RCAN2: variants seen among roughly 807,000 people sequenced by gnomAD.
RCAN2 encodes regulator of calcineurin 2.
Under a neutral mutation model 23.6 loss-of-function variants are expected in RCAN2, and 9 were observed. The ratio of observed to expected loss-of-function variants is 0.38; its 90% CI spans 0.23 to 0.67. RCAN2 has a LOEUF of 0.67. Ranked by LOEUF, RCAN2 falls within the 30% of genes least tolerant of loss-of-function variation. The probability of loss-of-function intolerance (pLI) is 0.51; values close to 1 mark genes in which losing one functional copy is unlikely to be tolerated. For synonymous variants in RCAN2, 109 were observed against 115.7 expected, an observed-to-expected ratio of 0.94 and a Z score of 0.37; for missense variants, 273 against 302.3, an observed-to-expected ratio of 0.90 and a Z score of 0.72.
chr6:46,439,265 A>T (rs1316872355), intron 2 of RCAN2, among the ~76,000 whole-genome samples: 3 of 152,218 alleles, frequency 2.0e-5, no homozygotes, highest in African/African-American at 7.2e-5. Context: ...TAAATTTTAC[A>T]TGTACAGCTG....
At chr6:46,377,965 C>A (rs185828672) in intron 2 of RCAN2, among the ~76,000 whole-genome samples, 17 of 152,280 alleles carry the variant, frequency 1.1e-4, no homozygotes, top group Admixed American at 7.2e-4. Flanking sequence ...ATTAAAAGGT[C>A]ACTACAAATA....
intron 2 of RCAN2, among the ~76,000 whole-genome samples, chr6:46,382,086 A>C (rs1346277687): frequency 6.6e-6 from 1 of 152,150 alleles, no homozygotes; most frequent in African/African-American, 2.4e-5. Flanking sequence ...CAGTAGAGTG[A>C]GATGGCTAAG....
chr6:46,395,355 G>T (rs1201267106), intron 2 of RCAN2, among the ~76,000 whole-genome samples: 1 of 152,196 alleles, frequency 6.6e-6, no homozygotes, highest in Non-Finnish European at 1.5e-5. Context: ...GCAATAAGGA[G>T]CCACAAAGGG....
chr6:46,489,821 T>A (rs1337078779), intron 1 of RCAN2, among the ~76,000 whole-genome samples: 3 of 152,242 alleles, frequency 2.0e-5, no homozygotes, highest in African/African-American at 4.8e-5. Context: ...GCAGTGGATT[T>A]GAATGCAAAG....
At chr6:46,261,243 A>G (rs768067334) in intron 2 of RCAN2, among the ~76,000 whole-genome samples, 5 of 152,230 alleles carry the variant, frequency 3.3e-5, no homozygotes, top group Non-Finnish European at 4.4e-5. Context: ...ATATTCATTT[A>G]TCTATAAGAT....
Position 46,233,124 on chromosome 6 carries a change from C to T in RCAN2, c.572-9823G>A, listed in dbSNP as rs116447352. On this transcript the variant is annotated intron_variant, in intron 4 of 4. Coordinates refer to ENST00000371374, the MANE Select transcript of RCAN2 (RefSeq NM_001251974.2). ...AAGGAATCCTGGATGGCTTCTCTGGCGCTCCCAGCCACCAGCTCCCGTTCA... is the reference window on the plus strand; with the variant it reads ...AAGGAATCCTGGATGGCTTCTCTGGTGCTCCCAGCCACCAGCTCCCGTTCA... Among the ~76,000 whole-genome samples the T allele has an allele frequency of 8.0e-3, 1,208 of 151,388 alleles. 11 individuals are homozygous for T. The highest frequency in any genetic ancestry group is 0.028 in the African/African-American group (1,138 of 40,686).
intron 2 of RCAN2, among the ~76,000 whole-genome samples, chr6:46,302,480 G>C (rs1026543294): frequency 6.6e-6 from 1 of 152,064 alleles, no homozygotes; most frequent in Non-Finnish European, 1.5e-5. Flanking sequence ...TTGTTGTTTA[G>C]ATTTGCTGTG....
intron 2 of RCAN2, among the ~76,000 whole-genome samples, chr6:46,286,127 A>G (rs894868622): frequency 7.2e-5 from 11 of 152,196 alleles, no homozygotes; most frequent in African/African-American, 2.4e-4. Context: ...CTCCATGCAT[A>G]GTGAACTGTA....
At chr6:46,357,376 G>GATCATTC (rs1161748956) in intron 2 of RCAN2, among the ~76,000 whole-genome samples, 1 of 152,176 alleles carries the variant, frequency 6.6e-6, no homozygotes, top group Non-Finnish European at 1.5e-5. Flanking sequence ...GAGTCACTAA[G>GATCATTC]ATCATTCATG....
At position 46,222,981 on chromosome 6, in the gene RCAN2, T is replaced by A; in HGVS notation, c.*160A>T. On this transcript the variant is annotated 3_prime_UTR_variant, in exon 5 of 5. Transcript: ENST00000371374. ...GGGTATGATATGATCAGGAGACATA[T>A]CACCTTTTCCTAGCCCTTTTGTCCG... The A allele has an allele frequency of 1.4e-6, 1 of 701,210 alleles. No homozygotes were observed. The highest frequency in any genetic ancestry group is 1.9e-5 in the South Asian group (1 of 53,998). The allele number at this position is 701,210 out of a possible 1,614,324, so 43.4% of individuals were successfully genotyped here. A position where few individuals can be genotyped will look rare whatever the true frequency, so the allele number is the denominator to read the frequency against.
intron 1 of RCAN2, 54 bp from the exon 2 acceptor site, chr6:46,457,032 A>C: frequency 3.1e-6 from 4 of 1,284,750 alleles, no homozygotes; most frequent in African/African-American, 1.5e-5. Flanking sequence ...CTTAAAACTC[A>C]GTTTTCGGGT....
At chr6:46,412,797 T>C (rs1172698480) in intron 2 of RCAN2, among the ~76,000 whole-genome samples, 1 of 151,594 alleles carries the variant, frequency 6.6e-6, no homozygotes, top group Non-Finnish European at 1.5e-5. Context: ...GCAAGAGGAG[T>C]TGGGACTCTG....
intron 1 of RCAN2, among the ~76,000 whole-genome samples, chr6:46,463,281 G>T (rs1376665927): frequency 6.6e-6 from 1 of 152,170 alleles, no homozygotes; most frequent in African/African-American, 2.4e-5. Flanking sequence ...GTTAAAGCTT[G>T]GTTGCCTTCA....
intron 1 of RCAN2, among the ~76,000 whole-genome samples, chr6:46,459,677 G>A (rs917345084): frequency 2.0e-5 from 3 of 152,162 alleles, no homozygotes. Context: ...ATTTGGAGAA[G>A]CCAAGTGATC....
At chr6:46,457,002 T>C (rs1260146001) in intron 1 of RCAN2, 24 bp from the exon 2 acceptor site, 1 of 1,494,864 alleles carries the variant, frequency 6.7e-7, no homozygotes, top group African/African-American at 1.4e-5. Flanking sequence ...GATGAGCATG[T>C]GTTACTGCAG....
intron 2 of RCAN2, among the ~76,000 whole-genome samples, chr6:46,354,211 G>C (rs1425978570): frequency 1.8e-4 from 7 of 39,150 alleles, no homozygotes; most frequent in Non-Finnish European, 3.3e-4. Context: ...TTTACTGTGT[G>C]TGTGTGTGTG....
chr6:46,249,348 T>C (rs1241173268), intron 2 of RCAN2, among the ~76,000 whole-genome samples: 1 of 150,116 alleles, frequency 6.7e-6, no homozygotes, highest in Non-Finnish European at 1.5e-5. Context: ...AGACAGAGTC[T>C]TGCTCTGTTG....
intron 2 of RCAN2, among the ~76,000 whole-genome samples, chr6:46,449,809 T>C (rs1767822889): frequency 6.6e-6 from 1 of 151,928 alleles, no homozygotes; most frequent in African/African-American, 2.4e-5. Context: ...GCTTATGACA[T>C]ATACAAAAAT....
rs1765545870 is a variant in RCAN2, at chr6:46,223,380, T to C, written c.572-79A>G. ...CCTGGAGCAGGGTCTGCTTAGGAAA[T>C]GACAGGAGCATTTTCCAGGGTCTCA... is the stretch of plus-strand genomic sequence containing the variant. On this transcript the variant is annotated intron_variant, in intron 4 of 4. Transcript: ENST00000371374. The C allele has an allele frequency of 1.3e-5, 17 of 1,352,410 alleles. No homozygotes were observed. In the South Asian group the frequency reaches 1.7e-4, roughly 13 times the overall value. 83.8% of individuals were successfully genotyped at this position (1,352,410 alleles called of 1,614,324 possible).
Sources: allele counts gnomAD v4.1 joint callset (sites outside exome capture counted in the v4.1 genomes callset), GRCh38; gene constraint gnomAD v4.1.1; transcripts MANE v1.5; gene names NCBI Gene and HGNC (gene_info 2026-07-23, HGNC 2026-07-21).